Variants in GINS2 observed in about 807,000 individuals in gnomAD.
The protein encoded by GINS2 is GINS complex subunit 2.
GINS2 carries 23 observed loss-of-function variants against 21.2 expected under a neutral mutation model. The observed-to-expected ratio is 1.08, with a 90% confidence interval of 0.78 to 1.53. The LOEUF is 1.53. Ranked by LOEUF, GINS2 falls within the 40% of genes most tolerant of loss-of-function variation. GINS2 has a pLI of 0.00. For synonymous variants in GINS2, 118 were observed against 85.6 expected (o/e 1.38, Z -2.09); for missense variants, 323 against 233.9 (o/e 1.38, Z -2.49).
chr16:85,678,830 C>T (rs2053708732), intron 3 of GINS2, among the ~76,000 whole-genome samples, 164 bp from the exon 4 acceptor site: 1 of 152,180 alleles, frequency 6.6e-6, no homozygotes, highest in African/African-American at 2.4e-5. Context: ...AGCAGTTAAG[C>T]TTGGTGCGGC....
chr16:85,678,638 C>CGTCTGCCTTCGGGATGTT lies in GINS2; in HGVS notation c.316_333dup (p.Asn106_Asp111dup). 1 of 1,613,776 alleles carries CGTCTGCCTTCGGGATGTT rather than the reference C, an allele frequency of 6.2e-7. No homozygotes were observed. Among genetic ancestry groups the CGTCTGCCTTCGGGATGTT allele is most frequent in the Non-Finnish European group, 8.5e-7 (1 of 1,179,934 alleles). ...ATATCCTTGACCAGGGTCCGGATTT[C>CGTCTGCCTTCGGGATGTT]GTCTGCCTTCGGGATGTTGTCTGAA... On this transcript the variant is annotated inframe_insertion, in exon 4 of 5. Coordinates refer to ENST00000253462, the MANE Select transcript of GINS2 (RefSeq NM_016095.3).
At position 85,678,480 on chromosome 16, in the gene GINS2, G is replaced by A. The variant is rs2053704357; in HGVS notation, c.432+60C>T. ...CTGCCTGTAATAGCCTCAGCAGACG[G>A]GAGCCATGTGAAATTATGCGGCATC... On this transcript the variant is annotated intron_variant, in intron 4 of 4. Transcript: ENST00000253462. 4.4e-6 allele frequency: 7 copies of A among 1,592,338 alleles called. No individual in the cohort carries two copies. The South Asian group carries it at 6.7e-5, about 15-fold the overall frequency.
In GINS2 at chr16:85,678,216, A is replaced by C. The variant is rs766928390; in HGVS notation, c.554T>G (p.Phe185Cys). The C allele has an allele frequency of 6.2e-7, 1 of 1,613,108 alleles. No homozygotes were observed. Among genetic ancestry groups the C allele is most frequent in the African/African-American group, 1.3e-5 (1 of 74,864 alleles). ...QPLESTQSQDF is the reference protein window; with the variant it reads ...QPLESTQSQDC Reference sequence around the variant, plus strand: ...CCGCCTGCACCAGGCCTTTCTCTAGAAGTCCTGAGACTGAGTACTCTCCAG... The same window carrying C: ...CCGCCTGCACCAGGCCTTTCTCTAGCAGTCCTGAGACTGAGTACTCTCCAG... Residue 185 changes from phenylalanine to cysteine, a missense_variant, in exon 5 of 5, where the codon TTC becomes TGC. Physicochemically the swap from Phe to Cys is radical, Grantham distance 205. Transcript: ENST00000253462.
chr16:85,684,686 C>G (rs553467718), intron 2 of GINS2, among the ~76,000 whole-genome samples: 2 of 151,092 alleles, frequency 1.3e-5, no homozygotes, highest in African/African-American at 2.4e-5. Flanking sequence ...GTGTTGAGAA[C>G]GTAAACAGGT....
chr16:85,678,676 C>A lies in GINS2; in HGVS notation c.306-10G>T. The A allele has an allele frequency of 6.2e-7, 1 of 1,612,684 alleles. No homozygotes were observed. The highest frequency in any genetic ancestry group is 8.5e-7 in the Non-Finnish European group (1 of 1,179,352). ...GATGTTGTCTGAAGCACTAAAGGAG[C>A]AAGGGCTAAAGTCAGTCGGGGAACA... On this transcript the variant is annotated splice_polypyrimidine_tract_variant and intron_variant, in intron 3 of 4. Transcript: ENST00000253462.
At chr16:85,681,951 A>G (rs143081326) in intron 2 of GINS2, among the ~76,000 whole-genome samples, 1,527 of 146,962 alleles carry the variant, frequency 0.01, 10 homozygotes, top group Non-Finnish European at 0.015. Context: ...CAAAAGTTTG[A>G]TGTTTGTTGT....
intron 3 of GINS2, among the ~76,000 whole-genome samples, chr16:85,678,981 G>A (rs1399463052): frequency 1.3e-5 from 2 of 152,188 alleles, no homozygotes; most frequent in Non-Finnish European, 2.9e-5. Flanking sequence ...AGCATTCCGT[G>A]CTGCCTAACC....
rs2053769535 is a variant in GINS2, at chr16:85,685,679, A to AAAAAAAACAAAAAAAAAAC, written c.205+1780_205+1781insGTTTTTTTTTTGTTTTTTT. ...GAGCAAGACCCTTTCTCAAAAAAAA[A>AAAAAAAACAAAAAAAAAAC]AAAAAAAAAAAACCGTCTCAAAGCA... On this transcript the variant is annotated intron_variant, in intron 2 of 4. Transcript: ENST00000253462. Among the ~76,000 whole-genome samples, 2 of 144,154 alleles carry AAAAAAAACAAAAAAAAAAC rather than the reference A, an allele frequency of 1.4e-5. 1 individual carries two copies. Among genetic ancestry groups the AAAAAAAACAAAAAAAAAAC allele is most frequent in the African/African-American group, 5.5e-5 (2 of 36,124 alleles). 94.6% of individuals were successfully genotyped at this position (144,154 alleles called of 152,430 possible).
rs1297152743 is a variant in GINS2 at position 85,678,618 on chromosome 16, C to A, written c.354G>T (p.Lys118Asn). Reference sequence around the variant, plus strand: ...TGGCTATACGAGTGTCCCACATATCCTTGACCAGGGTCCGGATTTCGTCTG... The same window carrying A: ...TGGCTATACGAGTGTCCCACATATCATTGACCAGGGTCCGGATTTCGTCTG... ...PKADEIRTLV[K>N]DMWDTRIAKL... The change falls in exon 4 of 5, where the codon AAG becomes AAT. Residue 118 changes from lysine to asparagine, a missense_variant. Physicochemically the swap from Lys to Asn is moderately conservative, Grantham distance 94 (BLOSUM62 0). Coordinates refer to ENST00000253462, the MANE Select transcript of GINS2 (RefSeq NM_016095.3). 9 of 1,613,860 alleles carry A rather than the reference C, an allele frequency of 5.6e-6. No homozygotes were observed. The highest frequency in any genetic ancestry group is 7.6e-6 in the Non-Finnish European group (9 of 1,179,978).
chr16:85,688,664 C>T (rs1254460735), intron 1 of GINS2, 145 bp downstream of exon 1: 2 of 433,352 alleles, frequency 4.6e-6, no homozygotes, highest in Admixed American at 4.3e-5. Context: ...GAAGCGGGAA[C>T]GGCGGTGAGC....
chr16:85,681,841 G>A (rs1042748109), intron 2 of GINS2, among the ~76,000 whole-genome samples, 160 bp from the exon 3 acceptor site: 5 of 152,060 alleles, frequency 3.3e-5, no homozygotes, highest in African/African-American at 1.2e-4. Context: ...TTATCTAGAT[G>A]ATTTGAGGCC....
intron 2 of GINS2, among the ~76,000 whole-genome samples, chr16:85,687,169 C>T (rs1226758239): frequency 1.3e-5 from 2 of 152,236 alleles, no homozygotes; most frequent in Admixed American, 6.5e-5. Flanking sequence ...TGCATTGAGC[C>T]GAGATTGCAC....
At chr16:85,679,735 C>CT (rs2053716114) in intron 3 of GINS2, among the ~76,000 whole-genome samples, 1 of 152,202 alleles carries the variant, frequency 6.6e-6, no homozygotes, top group African/African-American at 2.4e-5. Context: ...GCCCCCTCAC[C>CT]TAGCTAATGC....
rs894141221 is a variant in GINS2, at chr16:85,676,951, G to A, written c.*1261C>T. 7 of 152,198 alleles carry A rather than the reference G, an allele frequency of 4.6e-5. No homozygotes were observed. The highest frequency in any genetic ancestry group is 2.1e-4 in the South Asian group (1 of 4,832). 9.4% of individuals were successfully genotyped at this position (152,198 alleles called of 1,614,324 possible). A position where few individuals can be genotyped will look rare whatever the true frequency, so the allele number is the denominator to read the frequency against. On this transcript the variant is annotated 3_prime_UTR_variant, in exon 5 of 5. Transcript: ENST00000253462. ...GCAATCTTGGCTCACTACAACCTCC[G>A]CCTCTCGGGTTCAAGCGATTCTCCT...
At chr16:85,681,786 A>G (rs2053735494) in intron 2 of GINS2, 105 bp from the exon 3 acceptor site, 4 of 660,446 alleles carry the variant, frequency 6.1e-6, no homozygotes, top group Non-Finnish European at 1.1e-5. Flanking sequence ...TACATTATCA[A>G]CTAGCAAATA....
At chr16:85,682,020 CCT>C (rs1491511798) in intron 2 of GINS2, among the ~76,000 whole-genome samples, 14 of 118,474 alleles carry the variant, frequency 1.2e-4, no homozygotes, top group African/African-American at 3.8e-4. Flanking sequence ...ACCTTTACCG[CCT>C]TTTTTTTTTT....
chr16:85,688,336 A>C (rs903931179), intron 1 of GINS2, among the ~76,000 whole-genome samples: 2 of 152,122 alleles, frequency 1.3e-5, no homozygotes, highest in Admixed American at 1.3e-4. Context: ...TCATGAGGTC[A>C]GGAGTTCGAG....
intron 1 of GINS2, among the ~76,000 whole-genome samples, 179 bp downstream of exon 1, chr16:85,688,630 C>A (rs1314945179): frequency 6.6e-6 from 1 of 152,226 alleles, no homozygotes; most frequent in Admixed American, 6.5e-5. Flanking sequence ...TGGCAAAGAG[C>A]GCAGTCTCGC....
chr16:85,682,546 C>T (rs1008422378), intron 2 of GINS2, among the ~76,000 whole-genome samples: 7 of 150,818 alleles, frequency 4.6e-5, no homozygotes, highest in African/African-American at 9.8e-5. Context: ...GTTAAGCCAC[C>T]CTGGCCTGGG....
Sources: allele counts gnomAD v4.1 joint callset (sites outside exome capture counted in the v4.1 genomes callset), GRCh38; gene constraint gnomAD v4.1.1; transcripts MANE v1.5; gene names NCBI Gene and HGNC (gene_info 2026-07-23, HGNC 2026-07-21).